Variants in PITPNC1 observed in about 807,000 individuals in gnomAD.
PITPNC1 encodes phosphatidylinositol transfer protein cytoplasmic 1.
In PITPNC1, 18 loss-of-function variants were observed where a neutral mutation model predicts 44.7. The observed-to-expected ratio is 0.40, with a 90% CI of 0.28 to 0.60. The LOEUF is 0.60. Among genes scored for constraint, PITPNC1 ranks in the 20% least tolerant of loss-of-function variants. The pLI, the probability that PITPNC1 is intolerant of heterozygous loss-of-function variation, is 0.39. For missense variants in PITPNC1, 290 were observed against 418.4 expected (o/e 0.69, Z 2.68); for synonymous variants, 141 against 149.6 (o/e 0.94, Z 0.42).
chr17:67,598,093 G>A (rs1264002489), intron 5 of PITPNC1, among the ~76,000 whole-genome samples: 5 of 151,924 alleles, frequency 3.3e-5, no homozygotes, highest in East Asian at 1.9e-4. Flanking sequence ...GTAGTGGTGC[G>A]TGCCCGTAAT....
At chr17:67,649,828 T>A (rs1040121489) in intron 6 of PITPNC1, among the ~76,000 whole-genome samples, 2 of 152,154 alleles carry the variant, frequency 1.3e-5, no homozygotes, top group African/African-American at 4.8e-5. Flanking sequence ...AAACATTTAC[T>A]TAGATTTACC....
At chr17:67,683,977 CAAAA>C (rs79101364) in intron 8 of PITPNC1, among the ~76,000 whole-genome samples, 1 of 61,556 alleles carries the variant, frequency 1.6e-5, no homozygotes, top group Non-Finnish European at 3.4e-5. Context: ...GACTCTGTCT[CAAAA>C]AAAAAAAAAA....
chr17:67,385,122 T>C (rs917244132), intron 1 of PITPNC1, among the ~76,000 whole-genome samples: 1 of 152,226 alleles, frequency 6.6e-6, no homozygotes, highest in Non-Finnish European at 1.5e-5. Context: ...GTTGGACTTC[T>C]TGGTCCGGTG....
At chr17:67,440,098 G>A (rs1370600220) in intron 1 of PITPNC1, among the ~76,000 whole-genome samples, 1 of 152,166 alleles carries the variant, frequency 6.6e-6, no homozygotes, top group African/African-American at 2.4e-5. Context: ...CTAGAGAATA[G>A]TGAGGCTAGT....
At chr17:67,496,532 C>T (rs35901199) in intron 1 of PITPNC1, among the ~76,000 whole-genome samples, 7,651 of 152,120 alleles carry the variant, frequency 0.05, 255 homozygotes, top group Middle Eastern at 0.11. Context: ...CCAGCCTCCC[C>T]GTGTTTACTA....
intron 1 of PITPNC1, among the ~76,000 whole-genome samples, chr17:67,436,363 A>G (rs1305247103): frequency 2.0e-5 from 3 of 152,098 alleles, no homozygotes; most frequent in Admixed American, 1.3e-4. Flanking sequence ...ACGTTTGAAC[A>G]ATGGTCTTAT....
chr17:67,448,255 T>A (rs987839738), intron 1 of PITPNC1, among the ~76,000 whole-genome samples: 1 of 152,112 alleles, frequency 6.6e-6, no homozygotes, highest in Non-Finnish European at 1.5e-5. Flanking sequence ...CTGCATGACT[T>A]TTCTATAAAG....
rs2037897973 is a variant in PITPNC1 at position 67,378,044 on chromosome 17, C to T, written c.-111C>T. ...GCGCCGCGGGGGCTGCTTCGCCCTC[C>T]GGCTCCGAGCGCCGGGCTCCGGGCG... On this transcript the variant is annotated 5_prime_UTR_variant, in exon 1 of 9. Coordinates refer to ENST00000581322, the MANE Select transcript of PITPNC1 (RefSeq NM_012417.4). 3.6e-6 allele frequency: 2 copies of T among 562,154 alleles called. No individual in the cohort carries two copies. The highest frequency in any genetic ancestry group is 6.5e-5 in the South Asian group (2 of 30,580). The allele number at this position is 562,154 out of a possible 1,614,324, so 34.8% of individuals were successfully genotyped here.
chr17:67,503,253 AG>A (rs1276035178), intron 1 of PITPNC1, among the ~76,000 whole-genome samples: 1 of 152,154 alleles, frequency 6.6e-6, no homozygotes, highest in Non-Finnish European at 1.5e-5. Context: ...GAGTGCTCCA[AG>A]GATTATGGCT....
intron 1 of PITPNC1, among the ~76,000 whole-genome samples, chr17:67,446,071 C>G (rs981069824): frequency 6.6e-6 from 1 of 152,042 alleles, no homozygotes; most frequent in Non-Finnish European, 1.5e-5. Context: ...CTCAGCCTCC[C>G]AAGTAGCTGG....
At chr17:67,408,677 T>TTCCTTCCTTC (rs2038437891) in intron 1 of PITPNC1, 11 of 79,466 alleles carry the variant, frequency 1.4e-4, no homozygotes, top group South Asian at 7.7e-4. Context: ...GCTTTCTCTT[T>TTCCTTCCTTC]CTTCCTTCCT....
intron 5 of PITPNC1, among the ~76,000 whole-genome samples, chr17:67,599,867 G>A (rs941540629): frequency 5.3e-5 from 8 of 152,170 alleles, no homozygotes; most frequent in African/African-American, 1.7e-4. Flanking sequence ...TGTTCCAAAC[G>A]CATAGCAGTG....
chr17:67,629,854 G>A (rs2041944051), intron 5 of PITPNC1, among the ~76,000 whole-genome samples: 1 of 152,192 alleles, frequency 6.6e-6, no homozygotes, highest in East Asian at 1.9e-4. Flanking sequence ...GCCAATCCAA[G>A]AACCAATCTT....
In PITPNC1 at chr17:67,597,717, C is replaced by T. The variant is rs9904450; in HGVS notation, c.366+19460C>T. 0.018 allele frequency among the ~76,000 whole-genome samples: 2,677 copies of T among 152,226 alleles called. 77 individuals carry two copies. Among genetic ancestry groups the T allele is most frequent in the African/African-American group, 0.057 (2,372 of 41,492 alleles). On this transcript the variant is annotated intron_variant, in intron 5 of 8. Coordinates refer to ENST00000581322, the MANE Select transcript of PITPNC1 (RefSeq NM_012417.4). This position sits in a 1 kb window ranked among gnomAD's most constrained non-coding sequence, Gnocchi z 4.0. ...AAGAAACATTTGTTAAACATCTATT[C>T]GGCACCAGGGGTTGTTAGGCTGGTG...
chr17:67,407,275 C>T (rs1413431023), intron 1 of PITPNC1, among the ~76,000 whole-genome samples: 1 of 152,184 alleles, frequency 6.6e-6, no homozygotes, highest in Non-Finnish European at 1.5e-5. Context: ...TGTTGGAAAT[C>T]TTTTCATCTA....
chr17:67,620,346 A>G (rs1004460006), intron 5 of PITPNC1, among the ~76,000 whole-genome samples: 5 of 152,084 alleles, frequency 3.3e-5, no homozygotes, highest in African/African-American at 1.2e-4. Flanking sequence ...GAGCCACTGC[A>G]CCTGGCCTTA....
At chr17:67,596,175 G>A (rs1221904950) in intron 5 of PITPNC1, among the ~76,000 whole-genome samples, 2 of 152,114 alleles carry the variant, frequency 1.3e-5, no homozygotes. Flanking sequence ...ATTAAGGAAC[G>A]TCCTCGGGAA....
intron 1 of PITPNC1, among the ~76,000 whole-genome samples, chr17:67,439,671 A>G (rs1324242958): frequency 6.6e-6 from 1 of 152,190 alleles, no homozygotes; most frequent in Non-Finnish European, 1.5e-5. Flanking sequence ...TGATATGTGA[A>G]TACATTGTTG....
chr17:67,589,643 G>A (rs895317496), intron 5 of PITPNC1, among the ~76,000 whole-genome samples: 14 of 150,042 alleles, frequency 9.3e-5, no homozygotes, highest in Non-Finnish European at 1.0e-4. Flanking sequence ...TGCTAAGACC[G>A]TTGAGCAAAA....
Sources: gnomAD v4.1 joint callset for allele counts (sites outside exome capture counted in the v4.1 genomes callset) on GRCh38, gnomAD v4.1.1 for gene constraint, Gnocchi (gnomAD v3.1) non-coding constraint, MANE v1.5 for transcripts, NCBI Gene and HGNC (gene_info 2026-07-23, HGNC 2026-07-21) for gene names.